ADAMTS12: variants seen among roughly 807,000 people sequenced by gnomAD.
ADAMTS12 encodes the protein ADAM metallopeptidase with thrombospondin type 1 motif 12.
Under a neutral mutation model 167.8 loss-of-function variants are expected in ADAMTS12, and 118 were observed. The observed-to-expected ratio is 0.70, with a 90% CI of 0.61 to 0.82. The LOEUF (loss-of-function observed/expected upper bound fraction) is 0.82. ADAMTS12 is among the 40% of genes least tolerant of loss of function. The pLI, the probability that ADAMTS12 is intolerant of heterozygous loss-of-function variation, is 0.00. For missense variants in ADAMTS12, 1,916 were observed against 1,998.8 expected, an observed-to-expected ratio of 0.96 and a Z score of 0.79; for synonymous variants, 704 against 716.9, an observed-to-expected ratio of 0.98 and a Z score of 0.29.
intron 2 of ADAMTS12, among the ~76,000 whole-genome samples, chr5:33,820,499 T>C (rs954898910): frequency 6.6e-6 from 1 of 152,196 alleles, no homozygotes; most frequent in Non-Finnish European, 1.5e-5. Context: ...AGACAACTGA[T>C]AAACAGTTTA....
chr5:33,693,785 C>T (rs543003340), intron 3 of ADAMTS12, among the ~76,000 whole-genome samples: 18 of 152,234 alleles, frequency 1.2e-4, no homozygotes, highest in Non-Finnish European at 2.4e-4. Flanking sequence ...TCCCACCAAT[C>T]CTATTTAACA....
At chr5:33,751,636 A>G in intron 2 of ADAMTS12, 88 bp from the exon 3 acceptor site, 1 of 1,331,644 alleles carries the variant, frequency 7.5e-7, no homozygotes, top group South Asian at 1.4e-5. Flanking sequence ...GCTTATGAGT[A>G]TCTCTGAAAC....
rs757206455 is a variant in ADAMTS12, at chr5:33,588,570, C to A, written c.2865+29G>T. 2.5e-6 allele frequency: 4 copies of A among 1,609,240 alleles called. No individual in the cohort carries two copies. In the East Asian group the frequency reaches 8.9e-5, roughly 36 times the overall value. ...AGGGGCTGATGAAGCTTGAATAATGCCAGTTTCCCCGCCGAGCCCTGAGCT... is the reference window on the plus strand; with the variant it reads ...AGGGGCTGATGAAGCTTGAATAATGACAGTTTCCCCGCCGAGCCCTGAGCT... On this transcript the variant is annotated intron_variant, in intron 18 of 23. Coordinates refer to ENST00000504830, the MANE Select transcript of ADAMTS12 (RefSeq NM_030955.4).
At chr5:33,660,869 A>G (rs1741233857) in intron 6 of ADAMTS12, among the ~76,000 whole-genome samples, 1 of 152,206 alleles carries the variant, frequency 6.6e-6, no homozygotes, top group African/African-American at 2.4e-5. Context: ...ACCTTCACTC[A>G]AAAGAGTGAT....
intron 2 of ADAMTS12, among the ~76,000 whole-genome samples, chr5:33,801,904 A>T (rs1238280079): frequency 6.6e-6 from 1 of 152,190 alleles, no homozygotes; most frequent in Non-Finnish European, 1.5e-5. Context: ...TATGGTCTGA[A>T]TGTTTATGTC....
At position 33,561,154 on chromosome 5, in the gene ADAMTS12, G is replaced by A. The variant is rs780822891; in HGVS notation, c.3998C>T (p.Ala1333Val). 2.5e-6 allele frequency: 4 copies of A among 1,613,898 alleles called. No homozygotes were observed. The African/African-American group carries it at 5.3e-5, about 22-fold the overall frequency. The change falls in exon 20 of 24, where the codon GCC (alanine) becomes GTC (valine). Residue 1333 changes from alanine to valine, a missense_variant. Physicochemically the swap from Ala to Val is moderately conservative, Grantham distance 64 (BLOSUM62 0). Transcript: ENST00000504830. ...GCTGCACTCCACCCTTCTCCAGTAG[G>A]CCCCCAGGCCACATGTGGTGGAGCA... The part of the protein sequence containing the change: ...SECSTTCGLG[A>V]YWRRVECSTQ...
rs768908976 is a variant in ADAMTS12 at position 33,881,403 on chromosome 5, A to T, written c.205T>A (p.Tyr69Asn). The change falls in exon 2 of 24, where the codon TAT becomes AAT. Residue 69 changes from tyrosine to asparagine, a missense_variant. Tyr to Asn is a moderately radical substitution (Grantham distance 143). Transcript: ENST00000504830. ...CTCGTGATGGGATAGTGCAAGCCAT[A>T]TGACAAAAAATGCCCACTGGCATCT... ...RVDASGHFLSYGLHYPITSSR... is the reference protein window; with the variant it reads ...RVDASGHFLSNGLHYPITSSR... The T allele has an allele frequency of 7.4e-6, 12 of 1,614,006 alleles. No homozygotes were observed. Among genetic ancestry groups the T allele is most frequent in the Non-Finnish European group, 9.3e-6 (11 of 1,180,016 alleles).
At chr5:33,825,991 T>A (rs1748051736) in intron 2 of ADAMTS12, among the ~76,000 whole-genome samples, 1 of 152,128 alleles carries the variant, frequency 6.6e-6, no homozygotes, top group Non-Finnish European at 1.5e-5. Context: ...CTGGAACAGA[T>A]CTCTACCTTG....
At chr5:33,738,105 G>C (rs891901387) in intron 3 of ADAMTS12, among the ~76,000 whole-genome samples, 2 of 152,116 alleles carry the variant, frequency 1.3e-5, no homozygotes, top group Non-Finnish European at 2.9e-5. Flanking sequence ...AAGTTTTAAG[G>C]AAGATTGCCA....
At chr5:33,693,270 A>C (rs1371507346) in intron 3 of ADAMTS12, among the ~76,000 whole-genome samples, 1 of 152,262 alleles carries the variant, frequency 6.6e-6, no homozygotes, top group Non-Finnish European at 1.5e-5. Context: ...CTATAATTAG[A>C]GAATATATCA....
rs756286056 is a variant in ADAMTS12 at position 33,641,949 on chromosome 5, T to C, written c.1579A>G (p.Met527Val). The C allele has an allele frequency of 8.1e-6, 13 of 1,611,582 alleles. No homozygotes were observed. The highest frequency in any genetic ancestry group is 1.3e-5 in the African/African-American group (1 of 74,982). The change falls in exon 11 of 24, where the codon ATG becomes GTG. Residue 527 changes from methionine (M) to valine (V), a missense_variant. Met to Val is a conservative substitution (Grantham distance 21, BLOSUM62 1). Coordinates refer to ENST00000504830, the MANE Select transcript of ADAMTS12 (RefSeq NM_030955.4). Reference sequence around the variant, plus strand: ...CCCACTGTGATGCACTTGCCTGCCATACACCACTGGAAAGGGAAGAGGCAG... The same window carrying C: ...CCCACTGTGATGCACTTGCCTGCCACACACCACTGGAAAGGGAAGAGGCAG... ...GTQCGEKKWC[M>V]AGKCITVGKK... is the part of the protein sequence containing the mutation.
rs559581889 is a variant in ADAMTS12 at position 33,525,278 on chromosome 5, G to T, written c.*1910C>A. The T allele has an allele frequency of 6.6e-6, 1 of 152,204 alleles. No individual in the cohort carries two copies. The highest frequency in any genetic ancestry group is 2.4e-5 in the African/African-American group (1 of 41,440). The allele number at this position is 152,204 out of a possible 1,614,324, so 9.4% of individuals were successfully genotyped here. A position where few individuals can be genotyped will look rare whatever the true frequency, so the allele number is the denominator to read the frequency against. On this transcript the variant is annotated 3_prime_UTR_variant, in exon 24 of 24. Transcript: ENST00000504830. ...AGCAATGTTTATGTTTAAAGGCAGAGAATACAATAATGTAATTATCATCTA... is the reference window on the plus strand; with the variant it reads ...AGCAATGTTTATGTTTAAAGGCAGATAATACAATAATGTAATTATCATCTA...
At chr5:33,575,294 A>G (rs1177620931) in intron 19 of ADAMTS12, among the ~76,000 whole-genome samples, 2 of 152,212 alleles carry the variant, frequency 1.3e-5, no homozygotes, top group African/African-American at 2.4e-5. Flanking sequence ...ACAATTTTAA[A>G]CCAAGTCTCA....
intron 4 of ADAMTS12, 39 bp from the exon 5 acceptor site, chr5:33,683,140 G>A (rs766872500): frequency 2.7e-6 from 4 of 1,456,864 alleles, no homozygotes; most frequent in South Asian, 1.2e-5. Context: ...TCCACACGAA[G>A]AGATAATAAA....
At chr5:33,645,745 C>T (rs1478021453) in intron 9 of ADAMTS12, among the ~76,000 whole-genome samples, 1 of 152,004 alleles carries the variant, frequency 6.6e-6, no homozygotes, top group Non-Finnish European at 1.5e-5. Flanking sequence ...GCTACATTTT[C>T]TGGTATTTTA....
intron 3 of ADAMTS12, chr5:33,751,146 C>A: frequency 4.0e-6 from 2 of 498,226 alleles, no homozygotes; most frequent in Non-Finnish European, 7.0e-6. Flanking sequence ...ATTAATGTGG[C>A]AAAGATGCTT....
chr5:33,646,414 G>C (rs900021575), intron 9 of ADAMTS12, among the ~76,000 whole-genome samples: 1 of 152,184 alleles, frequency 6.6e-6, no homozygotes, highest in Middle Eastern at 3.4e-3. Context: ...GGAAGTTGGA[G>C]ACCTTCATAT....
intron 3 of ADAMTS12, among the ~76,000 whole-genome samples, chr5:33,706,922 C>T (rs574785615): frequency 6.6e-5 from 10 of 152,286 alleles, no homozygotes; most frequent in Admixed American, 6.5e-4. Flanking sequence ...CTCACCACTC[C>T]TATTCAGCAT....
At chr5:33,775,433 T>C (rs539671110) in intron 2 of ADAMTS12, among the ~76,000 whole-genome samples, 5 of 152,244 alleles carry the variant, frequency 3.3e-5, no homozygotes, top group African/African-American at 9.6e-5. Flanking sequence ...GCATGACTAC[T>C]CTTAGGAATA....
Sources: allele counts gnomAD v4.1 joint callset (sites outside exome capture counted in the v4.1 genomes callset), GRCh38; gene constraint gnomAD v4.1.1; transcripts MANE v1.5; gene names NCBI Gene and HGNC (gene_info 2026-07-23, HGNC 2026-07-21).